Variants in ARVCF observed in about 807,000 individuals in gnomAD.
ARVCF encodes splicing regulator ARVCF.
Under a neutral mutation model 90.9 loss-of-function variants are expected in ARVCF, and 66 were observed. The ratio of observed to expected loss-of-function variants is 0.73; its 90% CI spans 0.60 to 0.89. The LOEUF (loss-of-function observed/expected upper bound fraction) is 0.89. Ranked by LOEUF, ARVCF falls within the 40% of genes least tolerant of loss-of-function variation. The pLI is 0.00. For missense variants in ARVCF, 1,469 were observed against 1,382.3 expected, an observed-to-expected ratio of 1.06 and a Z score of -1.00; for synonymous variants, 653 against 603.4, an observed-to-expected ratio of 1.08 and a Z score of -1.21.
chr22:20,009,842 T>C (rs1458035470), intron 2 of ARVCF, among the ~76,000 whole-genome samples: 1 of 152,258 alleles, frequency 6.6e-6, no homozygotes, highest in Non-Finnish European at 1.5e-5. Flanking sequence ...CCAGTACACA[T>C]GGCCTACGGC....
At chr22:20,001,199 C>A (rs1367930208) in intron 2 of ARVCF, among the ~76,000 whole-genome samples, 3 of 152,102 alleles carry the variant, frequency 2.0e-5, no homozygotes, top group Admixed American at 6.5e-5. Flanking sequence ...CCTCTGAGAC[C>A]CCTGAGGCCG....
At chr22:20,002,707 T>A (rs1418460708) in intron 2 of ARVCF, among the ~76,000 whole-genome samples, 1 of 152,184 alleles carries the variant, frequency 6.6e-6, no homozygotes. Flanking sequence ...CTGCTGGGAT[T>A]CAAATTTGGG....
chr22:19,986,774 C>T (rs372007733), intron 3 of ARVCF: 2 of 354,944 alleles, frequency 5.6e-6, no homozygotes, highest in Non-Finnish European at 1.0e-5. Context: ...AGCGTCCATC[C>T]GGTCCGGGCC....
intron 5 of ARVCF, 159 bp downstream of exon 5, chr22:19,981,052 T>G: frequency 1.0e-6 from 1 of 964,690 alleles, no homozygotes; most frequent in Admixed American, 3.2e-5. Context: ...CACCCCAGGG[T>G]CCACCTTTCT....
intron 3 of ARVCF, among the ~76,000 whole-genome samples, chr22:19,986,382 C>A (rs1322891219): frequency 1.3e-5 from 2 of 152,178 alleles, no homozygotes; most frequent in Non-Finnish European, 2.9e-5. Context: ...TGTTACTGAA[C>A]CCAGCACTGC....
chr22:19,977,737 A>T, intron 8 of ARVCF, 151 bp from the exon 9 acceptor site: 1 of 1,220,796 alleles, frequency 8.2e-7, no homozygotes, highest in Non-Finnish European at 1.1e-6. Context: ...GGTAACCGCC[A>T]GGAAGGGTCC....
rs11405277 is a variant in ARVCF at position 20,012,079 on chromosome 22, T to TCCCCC, written c.-72-1576_-72-1572dup. Among the ~76,000 whole-genome samples, 485 of 117,132 alleles carry TCCCCC rather than the reference T, an allele frequency of 4.1e-3. 1 individual carries two copies. Among genetic ancestry groups the TCCCCC allele is most frequent in the Middle Eastern group, 0.01 (2 of 194 alleles). The allele number at this position is 117,132 out of a possible 152,430, so 76.8% of individuals were successfully genotyped here. ...CTTCCTGCCTCCAGGCCTCCCAAAG[T>TCCCCC]CCCCCCCCCCCACCCAGTTGGGGAA... On this transcript the variant is annotated intron_variant, in intron 1 of 19. Coordinates refer to ENST00000263207, the MANE Select transcript of ARVCF (RefSeq NM_001670.3).
In ARVCF at chr22:19,979,286, A is replaced by G. The variant is rs1424439569; in HGVS notation, c.1397-206T>C. 35 of 617,638 alleles carry G rather than the reference A, an allele frequency of 5.7e-5. No homozygotes were observed. In the Admixed American group the frequency reaches 1.0e-3, roughly 18 times the overall value. 38.3% of individuals were successfully genotyped at this position (617,638 alleles called of 1,614,324 possible). The stretch of plus-strand genomic sequence containing the variant: ...GAGCCCCAAAGGGGAGGAGGTGCAG[A>G]GGAGGGTGTGGCAGTGCTGTCCCGT... On this transcript the variant is annotated intron_variant, in intron 6 of 19. Transcript: ENST00000263207.
At chr22:19,971,395 G>C in intron 18 of ARVCF, 60 bp from the exon 19 acceptor site, 1 of 1,514,564 alleles carries the variant, frequency 6.6e-7, no homozygotes, top group Non-Finnish European at 8.8e-7. Flanking sequence ...AGCTCCTGGG[G>C]GGACAGGGCA....
intron 1 of ARVCF, among the ~76,000 whole-genome samples, chr22:20,012,247 C>T (rs1601692231): frequency 2.0e-5 from 3 of 152,188 alleles, no homozygotes; most frequent in African/African-American, 7.2e-5. Context: ...AGAGGGCTTC[C>T]CCCAGGAGAT....
chr22:19,981,826 G>C (rs963355939), intron 4 of ARVCF, 89 bp from the exon 5 acceptor site: 48 of 1,548,148 alleles, frequency 3.1e-5, no homozygotes, highest in Non-Finnish European at 4.0e-5. Flanking sequence ...TTTCCCACTC[G>C]AGCAATGAGA....
chr22:19,969,839 C>T (rs1172249451), downstream of ARVCF: 15 of 985,400 alleles, frequency 1.5e-5, no homozygotes, highest in South Asian at 1.9e-4. Flanking sequence ...CGCAGAGGCC[C>T]GACACAAGGG....
intron 3 of ARVCF, among the ~76,000 whole-genome samples, chr22:19,984,354 G>A (rs377126642): frequency 4.6e-5 from 7 of 152,126 alleles, no homozygotes; most frequent in African/African-American, 7.2e-5. Context: ...TGGTCCAGGA[G>A]AGCCACGCCC....
At chr22:20,004,606 G>T (rs1944556132) in intron 2 of ARVCF, among the ~76,000 whole-genome samples, 1 of 152,044 alleles carries the variant, frequency 6.6e-6, no homozygotes, top group South Asian at 2.1e-4. Flanking sequence ...TCTGGAAAAA[G>T]AACAACATTT....
chr22:19,995,171 A>G (rs73880059), intron 2 of ARVCF, among the ~76,000 whole-genome samples: 7,662 of 151,896 alleles, frequency 0.05, 226 homozygotes, highest in South Asian at 0.085. Flanking sequence ...TGGACAGGAG[A>G]CTAATAGGTG....
chr22:19,971,380 G>C, intron 18 of ARVCF, 45 bp from the exon 19 acceptor site: 1 of 1,523,984 alleles, frequency 6.6e-7, no homozygotes, highest in African/African-American at 1.4e-5. Context: ...GAGCAGGTTA[G>C]TTAGAGCTCC....
intron 1 of ARVCF, among the ~76,000 whole-genome samples, chr22:20,015,229 T>C (rs1944994540): frequency 6.6e-6 from 1 of 152,188 alleles, no homozygotes; most frequent in South Asian, 2.1e-4. Flanking sequence ...TTAGCGAATG[T>C]TCTGTGCCCA....
chr22:20,001,942 C>G (rs937710549), intron 2 of ARVCF, among the ~76,000 whole-genome samples: 10 of 152,192 alleles, frequency 6.6e-5, no homozygotes, highest in Non-Finnish European at 1.2e-4. Context: ...ACGGTCCTCC[C>G]AACCCCAACA....
At chr22:20,015,324 G>A (rs557290235) in intron 1 of ARVCF, among the ~76,000 whole-genome samples, 33 of 152,302 alleles carry the variant, frequency 2.2e-4, no homozygotes, top group South Asian at 6.2e-4. Context: ...CGGATAGGAT[G>A]GGGCAAGACT....
Sources: gnomAD v4.1 joint callset for allele counts (sites outside exome capture counted in the v4.1 genomes callset) on GRCh38, gnomAD v4.1.1 for gene constraint, MANE v1.5 for transcripts, NCBI Gene and HGNC (gene_info 2026-07-23, HGNC 2026-07-21) for gene names.